The following DLG2 variants were observed in gnomAD, a reference collection of about 807,000 sequenced individuals.
DLG2 encodes the protein discs large MAGUK scaffold protein 2.
In DLG2, 45 loss-of-function variants were observed where a neutral mutation model predicts 132.5. That is an observed-to-expected ratio of 0.34 (90% confidence interval 0.27 to 0.44). The LOEUF (loss-of-function observed/expected upper bound fraction) is 0.44. Among genes scored for constraint, DLG2 ranks in the 20% least tolerant of loss-of-function variants. The probability of loss-of-function intolerance (pLI) is 1.00; values close to 1 mark genes in which losing one functional copy is unlikely to be tolerated. For synonymous variants in DLG2, 424 were observed against 419.6 expected (o/e 1.01, Z -0.13); for missense variants, 1,045 against 1,196.9 (o/e 0.87, Z 1.87).
chr11:83,892,090 T>G (rs1458939154), intron 15 of DLG2, among the ~76,000 whole-genome samples: 4 of 152,272 alleles, frequency 2.6e-5, no homozygotes, highest in Non-Finnish European at 4.4e-5. Flanking sequence ...ACTCCAAAGG[T>G]AAGAATCGCC....
chr11:84,440,364 G>A (rs976246383), intron 7 of DLG2, among the ~76,000 whole-genome samples: 1 of 152,168 alleles, frequency 6.6e-6, no homozygotes, highest in African/African-American at 2.4e-5. Flanking sequence ...TCCACAAACT[G>A]AGAAAGACCA....
intron 18 of DLG2, among the ~76,000 whole-genome samples, chr11:83,730,764 CT>C (rs2090868371): frequency 6.6e-6 from 1 of 152,164 alleles, no homozygotes; most frequent in Non-Finnish European, 1.5e-5. Flanking sequence ...TTTGCTGTTT[CT>C]CGTTGAAGAT....
intron 5 of DLG2, among the ~76,000 whole-genome samples, chr11:85,142,988 C>T (rs1219198636): frequency 1.3e-5 from 2 of 151,712 alleles, no homozygotes; most frequent in Admixed American, 1.3e-4. Context: ...CATCTATGTT[C>T]ATCAGAGATA....
At chr11:84,585,728 T>C (rs1316562261) in intron 6 of DLG2, among the ~76,000 whole-genome samples, 1 of 152,270 alleles carries the variant, frequency 6.6e-6, no homozygotes, top group African/African-American at 2.4e-5. Flanking sequence ...TTAACTCCTA[T>C]GTAACTTATT....
intron 3 of DLG2, among the ~76,000 whole-genome samples, chr11:85,503,340 G>C (rs2093849140): frequency 6.6e-6 from 1 of 151,984 alleles, no homozygotes; most frequent in Non-Finnish European, 1.5e-5. Flanking sequence ...TTAGTATCCA[G>C]CCACTTCTCA....
chr11:83,884,312 G>T (rs1417261026), intron 15 of DLG2, among the ~76,000 whole-genome samples: 1 of 152,196 alleles, frequency 6.6e-6, no homozygotes, highest in African/African-American at 2.4e-5. Flanking sequence ...GGCTCGGAGG[G>T]TCCTACGCCC....
chr11:84,166,330 T>C (rs1377971502), intron 8 of DLG2, among the ~76,000 whole-genome samples: 4 of 151,674 alleles, frequency 2.6e-5, no homozygotes, highest in African/African-American at 9.7e-5. Context: ...GGTGAAACCC[T>C]GTCTCTACTA....
At chr11:83,502,750 T>C (rs572145731) in intron 21 of DLG2, among the ~76,000 whole-genome samples, 11 of 152,248 alleles carry the variant, frequency 7.2e-5, no homozygotes, top group African/African-American at 2.6e-4. Flanking sequence ...CCAAAACCTA[T>C]AAGCTGATTT....
At chr11:84,500,454 T>C (rs776657371) in intron 7 of DLG2, among the ~76,000 whole-genome samples, 99 of 152,070 alleles carry the variant, frequency 6.5e-4, no homozygotes, top group Non-Finnish European at 1.1e-3. Context: ...GAAAACATTA[T>C]AAAACTAGGT....
intron 4 of DLG2, among the ~76,000 whole-genome samples, chr11:85,262,788 A>G (rs1040926897): frequency 2.0e-5 from 3 of 152,210 alleles, no homozygotes; most frequent in South Asian, 2.1e-4. Context: ...TGGTTACAGT[A>G]ATAAACTCCC....
chr11:83,487,751 T>TAGTC (rs1225163386), intron 21 of DLG2, among the ~76,000 whole-genome samples: 1 of 152,074 alleles, frequency 6.6e-6, no homozygotes, highest in African/African-American at 2.4e-5. Context: ...ATTTTTGTGA[T>TAGTC]AGTCATTCAT....
At chr11:84,298,758 A>C (rs76229400) in intron 7 of DLG2, among the ~76,000 whole-genome samples, 328 of 152,302 alleles carry the variant, frequency 2.2e-3, no homozygotes, top group African/African-American at 7.6e-3. Context: ...CCAACACAGA[A>C]ATAGAGTCAT....
intron 11 of DLG2, among the ~76,000 whole-genome samples, chr11:84,004,639 A>T (rs1592868374): frequency 6.6e-6 from 1 of 152,170 alleles, no homozygotes; most frequent in East Asian, 1.9e-4. Context: ...CTGTACAACA[A>T]TAATAGTCAA....
intron 7 of DLG2, among the ~76,000 whole-genome samples, chr11:84,429,799 T>A (rs912528941): frequency 6.6e-6 from 1 of 152,308 alleles, no homozygotes; most frequent in Middle Eastern, 3.4e-3. Flanking sequence ...ATCTTCATTT[T>A]CCAACGTAAT....
At chr11:85,018,788 TTC>T (rs2154138686) in intron 6 of DLG2, among the ~76,000 whole-genome samples, 1 of 144,936 alleles carries the variant, frequency 6.9e-6, no homozygotes, top group East Asian at 2.1e-4. Flanking sequence ...AAAACATGCC[TTC>T]TTTTTTTTTT....
At chr11:83,765,780 T>A (rs572719816) in intron 18 of DLG2, among the ~76,000 whole-genome samples, 2 of 152,260 alleles carry the variant, frequency 1.3e-5, no homozygotes, top group Non-Finnish European at 2.9e-5. Flanking sequence ...TACAATTGAG[T>A]TTCTCCAACT....
intron 8 of DLG2, among the ~76,000 whole-genome samples, chr11:84,226,220 T>C (rs1241034774): frequency 6.6e-6 from 1 of 152,256 alleles, no homozygotes; most frequent in Non-Finnish European, 1.5e-5. Context: ...CTAACATAAA[T>C]ATTTTTTGTG....
At chr11:85,155,440 T>C (rs1179690248) in intron 4 of DLG2, among the ~76,000 whole-genome samples, 3 of 152,196 alleles carry the variant, frequency 2.0e-5, no homozygotes, top group African/African-American at 7.2e-5. Context: ...AAGGATGGAA[T>C]TCTGACAGAT....
At chr11:84,927,230 T>C (rs775371143) in intron 6 of DLG2, among the ~76,000 whole-genome samples, 16 of 152,066 alleles carry the variant, frequency 1.1e-4, no homozygotes, top group Non-Finnish European at 2.2e-4. Flanking sequence ...AAATAATTCA[T>C]ATTGCTAGAC....
Sources: allele counts gnomAD v4.1 joint callset (sites outside exome capture counted in the v4.1 genomes callset), GRCh38; gene constraint gnomAD v4.1.1; transcripts MANE v1.5; gene names NCBI Gene and HGNC (gene_info 2026-07-23, HGNC 2026-07-21).